Variants in PPP2R5C observed in about 807,000 individuals in gnomAD.
PPP2R5C encodes serine/threonine-protein phosphatase 2A 56 kDa regulatory subunit gamma isoform.
A neutral mutation model predicts 68.9 loss-of-function variants in PPP2R5C; 7 were observed. The observed-to-expected ratio is 0.10, with a 90% CI of 0.06 to 0.19. The LOEUF is 0.19. Among genes scored for constraint, PPP2R5C ranks in the 10% least tolerant of loss-of-function variants. PPP2R5C has a pLI of 1.00. For synonymous variants in PPP2R5C, 210 were observed against 222.2 expected (o/e 0.95, Z 0.49); for missense variants, 348 against 641.3 (o/e 0.54, Z 4.94).
At chr14:101,788,169 T>C (rs1029335943) in intron 3 of PPP2R5C, among the ~76,000 whole-genome samples, 1 of 152,214 alleles carries the variant, frequency 6.6e-6, no homozygotes, top group African/African-American at 2.4e-5. Flanking sequence ...CTGCCCCTAA[T>C]GCCCATCACA....
intron 2 of PPP2R5C, among the ~76,000 whole-genome samples, chr14:101,785,605 C>T (rs2038055368): frequency 6.6e-6 from 1 of 152,154 alleles, no homozygotes. Context: ...TTCCCTTGGA[C>T]CCACCTGGAT....
At chr14:101,760,674 C>T (rs1595370373), upstream of PPP2R5C, 6 of 332,482 alleles carry the variant, frequency 1.8e-5, no homozygotes, top group South Asian at 7.9e-4. Context: ...CAGGGAGGGG[C>T]GGGCTGTCGG....
rs1486327921 is a variant in PPP2R5C at position 101,835,390 on chromosome 14, G to A, written c.95-21296G>A. Among the ~76,000 whole-genome samples, 1 of 152,216 alleles carries A rather than the reference G, an allele frequency of 6.6e-6. No homozygotes were observed. Among genetic ancestry groups the A allele is most frequent in the Non-Finnish European group, 1.5e-5 (1 of 68,038 alleles). ...AGTTTACAGTCAGCTGAGTGCTCAAGAGAACTCAGTAGAGGGGAATGTTGA... is the reference window on the plus strand; with the variant it reads ...AGTTTACAGTCAGCTGAGTGCTCAAAAGAACTCAGTAGAGGGGAATGTTGA... On this transcript the variant is annotated intron_variant, in intron 1 of 13. Transcript: ENST00000334743. This position sits in a 1 kb window ranked among gnomAD's most constrained non-coding sequence, Gnocchi z 5.0.
intron 2 of PPP2R5C, among the ~76,000 whole-genome samples, chr14:101,873,479 C>G (rs765575067): frequency 6.6e-6 from 1 of 152,142 alleles, no homozygotes; most frequent in Non-Finnish European, 1.5e-5. Context: ...GCTAATTATT[C>G]TCCACCACTG....
chr14:101,824,643 G>A (rs566683648), intron 1 of PPP2R5C, among the ~76,000 whole-genome samples: 1 of 152,324 alleles, frequency 6.6e-6, no homozygotes, highest in African/African-American at 2.4e-5. Flanking sequence ...AACAAATTTA[G>A]TTTTGACTTT....
upstream of PPP2R5C, among the ~76,000 whole-genome samples, chr14:101,807,108 G>T (rs1169011215): frequency 1.3e-5 from 2 of 152,146 alleles, no homozygotes; most frequent in African/African-American, 4.8e-5. Context: ...GATTTGGGGG[G>T]GTGGTTTTGA....
chr14:101,856,940 G>A, intron 2 of PPP2R5C, 55 bp downstream of exon 4: 2 of 1,525,338 alleles, frequency 1.3e-6, no homozygotes, highest in Admixed American at 3.4e-5. Flanking sequence ...AAACAGGACA[G>A]GCCAAGATCT....
At chr14:101,827,680 T>C (rs1217044496) in intron 1 of PPP2R5C, among the ~76,000 whole-genome samples, 1 of 152,234 alleles carries the variant, frequency 6.6e-6, no homozygotes, top group East Asian at 1.9e-4. Context: ...AATCCATTAT[T>C]TTCCTAAATT....
chr14:101,850,646 T>C (rs998147318), intron 1 of PPP2R5C, among the ~76,000 whole-genome samples: 1 of 152,186 alleles, frequency 6.6e-6, no homozygotes, highest in African/African-American at 2.4e-5. Flanking sequence ...TTAAGTCTTC[T>C]AGGGCTCTAG....
At chr14:101,871,349 C>G (rs2043402874) in intron 2 of PPP2R5C, among the ~76,000 whole-genome samples, 1 of 152,116 alleles carries the variant, frequency 6.6e-6, no homozygotes, top group East Asian at 1.9e-4. Flanking sequence ...TCATGCCATT[C>G]TCCTGCCTCA....
At chr14:101,868,323 T>C (rs2043201153) in intron 2 of PPP2R5C, among the ~76,000 whole-genome samples, 1 of 152,216 alleles carries the variant, frequency 6.6e-6, no homozygotes, top group Non-Finnish European at 1.5e-5. Flanking sequence ...GATTTTGAGA[T>C]TTTCCTTTGA....
rs368348255 is a variant in PPP2R5C, at chr14:101,890,764, CT to C, written c.689+492del. Among the ~76,000 whole-genome samples the C allele has an allele frequency of 7.1e-3, 819 of 115,362 alleles. 3 individuals carry two copies. Among genetic ancestry groups the C allele is most frequent in the African/African-American group, 0.017 (474 of 28,524 alleles). The allele number at this position is 115,362 out of a possible 152,430, so 75.7% of individuals were successfully genotyped here. A position where few individuals can be genotyped will look rare whatever the true frequency, so the allele number is the denominator to read the frequency against. On this transcript the variant is annotated intron_variant, in intron 6 of 13. Transcript: ENST00000334743. ...TATCCAAGTAAAGTTTTTAGTTGCC[CT>C]TTTTTTTTTTTTTTTTTTTTTTTCT...
At chr14:101,763,560 T>G (rs1299218951) in intron 2 of PPP2R5C, among the ~76,000 whole-genome samples, 1 of 152,116 alleles carries the variant, frequency 6.6e-6, no homozygotes, top group African/African-American at 2.4e-5. Context: ...TTTTTGTATT[T>G]TTATTAGAGA....
chr14:101,793,467 G>A (rs1364690686), intron 3 of PPP2R5C, among the ~76,000 whole-genome samples: 3 of 152,200 alleles, frequency 2.0e-5, no homozygotes, highest in Non-Finnish European at 4.4e-5. Context: ...CGCCAGCAAG[G>A]GCGATCTCCA....
rs1595221633 is a variant in PPP2R5C, at chr14:101,810,147, A to AT, written c.94+114dup. 6.9e-5 allele frequency: 69 copies of AT among 995,790 alleles called. No homozygotes were observed. In the East Asian group the frequency reaches 1.8e-3, roughly 26 times the overall value. The allele number at this position is 995,790 out of a possible 1,614,324, so 61.7% of individuals were successfully genotyped here. On this transcript the variant is annotated intron_variant, in intron 1 of 13. Transcript: ENST00000334743. ...AGTCCTTTCTAGCAGAATTCACCCC[A>AT]TTTCGCTGCAGACTTAACCAGAGGA...
intron 3 of PPP2R5C, among the ~76,000 whole-genome samples, chr14:101,794,101 C>G (rs1341317291): frequency 6.6e-6 from 1 of 152,198 alleles, no homozygotes; most frequent in Non-Finnish European, 1.5e-5. Flanking sequence ...AACAGGAATG[C>G]ATGTTCTCAC....
chr14:101,925,461 C>A, exon 14 of PPP2R5C: 1 of 1,026,938 alleles, frequency 9.7e-7, no homozygotes, highest in Non-Finnish European at 1.3e-6. Flanking sequence ...CCAGAGCCCG[C>A]TGGCAGAGCC....
rs150084485 is a variant in PPP2R5C at position 101,850,308 on chromosome 14, C to T, written c.95-6378C>T. On this transcript the variant is annotated intron_variant, in intron 1 of 13. Coordinates refer to ENST00000334743, the Ensembl canonical transcript of PPP2R5C. The stretch of plus-strand genomic sequence containing the variant: ...AAGATAGCTACATGTAAAAGTGATA[C>T]TCAAAAACCATTTTTTCTGTATTGC... 2.8e-3 allele frequency among the ~76,000 whole-genome samples: 425 copies of T among 152,264 alleles called. 2 individuals carry two copies. The highest frequency in any genetic ancestry group is 9.8e-3 in the African/African-American group (405 of 41,538).
Position 101,895,997 on chromosome 14 carries a change from G to A in PPP2R5C, c.852+1437G>A, listed in dbSNP as rs565042128. Reference sequence around the variant, plus strand: ...CAGTGCTGATGCTGCTGCTGCTGCTGTTGCTTTCTTTTTATTTATTTTATT... The same window carrying A: ...CAGTGCTGATGCTGCTGCTGCTGCTATTGCTTTCTTTTTATTTATTTTATT... On this transcript the variant is annotated intron_variant, in intron 8 of 13. Coordinates refer to ENST00000334743, the Ensembl canonical transcript of PPP2R5C. 2.0e-5 allele frequency among the ~76,000 whole-genome samples: 3 copies of A among 152,114 alleles called. No individual in the cohort carries two copies. In the East Asian group the frequency reaches 5.8e-4, roughly 29 times the overall value.
Sources: allele counts gnomAD v4.1 joint callset (sites outside exome capture counted in the v4.1 genomes callset), GRCh38; gene constraint gnomAD v4.1.1; non-coding constraint Gnocchi (gnomAD v3.1); transcripts MANE v1.5; gene names NCBI Gene and HGNC (gene_info 2026-07-23, HGNC 2026-07-21).